Variants in CTIF observed in about 807,000 individuals in gnomAD.
The protein encoded by CTIF is cap binding complex dependent translation initiation factor.
A neutral mutation model predicts 66.0 loss-of-function variants in CTIF; 21 were observed. The observed-to-expected ratio is 0.32, with a 90% CI of 0.23 to 0.46. The LOEUF (loss-of-function observed/expected upper bound fraction) is 0.46, where lower values mean the gene tolerates loss of function less well. Among genes scored for constraint, CTIF ranks in the 20% least tolerant of loss-of-function variants. CTIF has a pLI of 1.00. For missense variants in CTIF, 739 were observed against 812.7 expected, an observed-to-expected ratio of 0.91 and a Z score of 1.10; for synonymous variants, 345 against 326.4, an observed-to-expected ratio of 1.06 and a Z score of -0.62.
At chr18:48,593,746 TTG>T (rs1491136568) in intron 1 of CTIF, among the ~76,000 whole-genome samples, 1 of 131,250 alleles carries the variant, frequency 7.6e-6, no homozygotes, top group Non-Finnish European at 1.7e-5. Context: ...GGTTTTTTGT[TTG>T]TTTTTTTTTT....
intron 5 of CTIF, among the ~76,000 whole-genome samples, chr18:48,669,436 C>T (rs1461510714): frequency 2.0e-5 from 3 of 151,944 alleles, no homozygotes; most frequent in Non-Finnish European, 4.4e-5. Flanking sequence ...TTAAAACTCG[C>T]CACCACCCAG....
chr18:48,793,077 A>G (rs2067829534), intron 9 of CTIF, among the ~76,000 whole-genome samples: 1 of 152,176 alleles, frequency 6.6e-6, no homozygotes, highest in Non-Finnish European at 1.5e-5. Flanking sequence ...GTCTAGAGTT[A>G]TGAATGGGTG....
intron 1 of CTIF, among the ~76,000 whole-genome samples, chr18:48,591,047 G>A (rs1294920060): frequency 3.3e-5 from 5 of 152,204 alleles, no homozygotes; most frequent in Non-Finnish European, 7.3e-5. Context: ...AGGAAGGGAA[G>A]GCCAGGGAGA....
chr18:48,836,939 T>C (rs2068824632), intron 10 of CTIF, among the ~76,000 whole-genome samples: 1 of 152,228 alleles, frequency 6.6e-6, no homozygotes, highest in Admixed American at 6.5e-5. Flanking sequence ...CTACTAGTCC[T>C]GCATCCCTGC....
At chr18:48,691,725 T>G (rs2091928243) in intron 6 of CTIF, among the ~76,000 whole-genome samples, 1 of 152,036 alleles carries the variant, frequency 6.6e-6, no homozygotes, top group Admixed American at 6.5e-5. Context: ...CCTTTCCCTC[T>G]CCCTCCCAGA....
At chr18:48,546,797 C>T (rs1435838433) in intron 1 of CTIF, among the ~76,000 whole-genome samples, 1 of 152,138 alleles carries the variant, frequency 6.6e-6, no homozygotes. Context: ...GACAGCAGCC[C>T]GTCCGCATGG....
chr18:48,603,180 G>A (rs544942491), intron 1 of CTIF, among the ~76,000 whole-genome samples: 234 of 149,416 alleles, frequency 1.6e-3, no homozygotes, highest in Non-Finnish European at 2.8e-3. Flanking sequence ...ATGGATAGAT[G>A]GGTGGGTGGA....
intron 3 of CTIF, chr18:48,662,353 G>C (rs2091360071): frequency 9.2e-6 from 1 of 109,114 alleles, no homozygotes; most frequent in Non-Finnish European, 1.9e-5. Context: ...GAATGAGGAA[G>C]TTTCAAGTTA....
chr18:48,752,390 G>A (rs1598978308), intron 7 of CTIF, among the ~76,000 whole-genome samples: 2 of 152,288 alleles, frequency 1.3e-5, no homozygotes, highest in African/African-American at 4.8e-5. Flanking sequence ...CCCGTGTGTT[G>A]CCTAAGCTTT....
At chr18:48,742,754 A>C (rs1369049565) in intron 7 of CTIF, among the ~76,000 whole-genome samples, 1 of 152,244 alleles carries the variant, frequency 6.6e-6, no homozygotes, top group African/African-American at 2.4e-5. Flanking sequence ...CTAGAAAGTA[A>C]CTGGGTCCAG....
intron 9 of CTIF, among the ~76,000 whole-genome samples, chr18:48,775,065 T>C (rs1489510239): frequency 6.6e-6 from 1 of 152,190 alleles, no homozygotes; most frequent in African/African-American, 2.4e-5. Context: ...CTTCCTTTAA[T>C]GCCTTACCAC....
At chr18:48,624,604 A>G (rs3786180) in intron 2 of CTIF, among the ~76,000 whole-genome samples, 23,159 of 152,152 alleles carry the variant, frequency 0.15, 1,890 homozygotes, top group South Asian at 0.25. Context: ...TGCAACTCTG[A>G]GCGAGCATGA....
intron 10 of CTIF, among the ~76,000 whole-genome samples, chr18:48,848,613 A>G (rs1475286939): frequency 6.6e-6 from 1 of 152,172 alleles, no homozygotes; most frequent in African/African-American, 2.4e-5. Context: ...CTCCCTGCAC[A>G]GCGAGGCTGC....
intron 9 of CTIF, among the ~76,000 whole-genome samples, chr18:48,782,846 C>G (rs894016928): frequency 4.6e-5 from 7 of 152,110 alleles, no homozygotes; most frequent in Non-Finnish European, 8.8e-5. Context: ...AAGAGGAATG[C>G]CCACGCCTGT....
intron 10 of CTIF, among the ~76,000 whole-genome samples, chr18:48,838,006 CTT>C (rs1318791620): frequency 6.6e-6 from 1 of 152,108 alleles, no homozygotes; most frequent in Non-Finnish European, 1.5e-5. Flanking sequence ...GGAAGAGAGA[CTT>C]TTAAAAACAA....
chr18:48,708,360 CT>C, intron 6 of CTIF, among the ~76,000 whole-genome samples: 1 of 152,308 alleles, frequency 6.6e-6, no homozygotes, highest in African/African-American at 2.4e-5. Context: ...AGGCAGCACC[CT>C]GAGTTGTATG....
chr18:48,667,028 A>T (rs543847657), intron 5 of CTIF, among the ~76,000 whole-genome samples: 1 of 151,842 alleles, frequency 6.6e-6, no homozygotes, highest in East Asian at 1.9e-4. Context: ...CAGTGTAGCC[A>T]GTCTGTCACT....
At chr18:48,736,137 A>C (rs916946430) in intron 7 of CTIF, among the ~76,000 whole-genome samples, 3 of 152,106 alleles carry the variant, frequency 2.0e-5, no homozygotes, top group African/African-American at 7.2e-5. Flanking sequence ...CTTTCTTCCA[A>C]GATACACTGA....
At chr18:48,832,189 T>TTTTTTTTTTTTTTA (rs1289637754) in intron 10 of CTIF, among the ~76,000 whole-genome samples, 2 of 150,188 alleles carry the variant, frequency 1.3e-5, no homozygotes, top group African/African-American at 4.9e-5. Context: ...TTTTTTTTTT[T>TTTTTTTTTTTTTTA]AAGACAGGGT....
Sources: gnomAD v4.1 joint callset for allele counts (sites outside exome capture counted in the v4.1 genomes callset) on GRCh38, gnomAD v4.1.1 for gene constraint, MANE v1.5 for transcripts, NCBI Gene and HGNC (gene_info 2026-07-23, HGNC 2026-07-21) for gene names.